UIMC1: variants seen among roughly 807,000 people sequenced by gnomAD.
UIMC1 encodes the protein BRCA1-A complex subunit RAP80.
A neutral mutation model predicts 84.9 loss-of-function variants in UIMC1; 42 were observed. That is an observed-to-expected ratio of 0.49 (90% CI 0.39 to 0.64). UIMC1 has a LOEUF of 0.64. Ranked by LOEUF, UIMC1 falls within the 30% of genes least tolerant of loss-of-function variation. The probability of loss-of-function intolerance (pLI) is 0.00; values close to 1 mark genes in which losing one functional copy is unlikely to be tolerated. For synonymous variants in UIMC1, 281 were observed against 293.0 expected (o/e 0.96, Z 0.42); for missense variants, 825 against 847.6 (o/e 0.97, Z 0.33).
chr5:176,992,985 A>C (rs913554915), intron 1 of UIMC1, among the ~76,000 whole-genome samples: 2 of 151,890 alleles, frequency 1.3e-5, no homozygotes, highest in Non-Finnish European at 2.9e-5. Context: ...CAGGAGTTGG[A>C]GACCAGCATG....
At chr5:176,987,462 A>G (rs990026493) in intron 1 of UIMC1, among the ~76,000 whole-genome samples, 1 of 151,814 alleles carries the variant, frequency 6.6e-6, no homozygotes, top group Non-Finnish European at 1.5e-5. Context: ...CCTGGCCAAC[A>G]TGGTGAAACC....
intron 8 of UIMC1, among the ~76,000 whole-genome samples, chr5:176,954,726 A>G (rs1347228935): frequency 2.0e-5 from 3 of 150,760 alleles, no homozygotes; most frequent in African/African-American, 2.4e-5. Context: ...ACTGCACTCC[A>G]GCCTGGGCAA....
intron 2 of UIMC1, among the ~76,000 whole-genome samples, chr5:176,979,758 G>A (rs1235835395): frequency 2.6e-5 from 4 of 152,106 alleles, no homozygotes; most frequent in East Asian, 3.8e-4. Context: ...CATATATGAC[G>A]TATGACATAT....
At chr5:176,949,867 C>T (rs963738218) in intron 9 of UIMC1, among the ~76,000 whole-genome samples, 3 of 152,034 alleles carry the variant, frequency 2.0e-5, no homozygotes, top group African/African-American at 7.2e-5. Context: ...CCAGCCTGGC[C>T]ATCAGGGTAA....
intron 1 of UIMC1, among the ~76,000 whole-genome samples, chr5:176,989,546 G>A (rs1433741096): frequency 6.6e-6 from 1 of 151,922 alleles, no homozygotes; most frequent in Non-Finnish European, 1.5e-5. Context: ...TGCAGACCCA[G>A]CTACTGGAGA....
At chr5:177,016,663 T>C (rs1158027897) in intron 1 of UIMC1, among the ~76,000 whole-genome samples, 1 of 150,012 alleles carries the variant, frequency 6.7e-6, no homozygotes, top group East Asian at 2.0e-4. Context: ...GCCGAGATCT[T>C]ACCACTGCAC....
At chr5:176,971,726 T>C (rs986268849) in intron 3 of UIMC1, among the ~76,000 whole-genome samples, 2 of 151,714 alleles carry the variant, frequency 1.3e-5, no homozygotes, top group Non-Finnish European at 2.9e-5. Flanking sequence ...ACGGACAACA[T>C]GGTGAAACCC....
chr5:176,982,140 A>T (rs1771153760), intron 2 of UIMC1, among the ~76,000 whole-genome samples: 1 of 152,224 alleles, frequency 6.6e-6, no homozygotes. Flanking sequence ...AAGAGACTTA[A>T]GAACATTCAC....
intron 1 of UIMC1, among the ~76,000 whole-genome samples, chr5:177,020,356 CCT>C (rs1775761439): frequency 6.6e-6 from 1 of 152,206 alleles, no homozygotes; most frequent in South Asian, 2.1e-4. Context: ...CTGATGCCAC[CCT>C]GATTAATGTT....
rs368946294 is a variant in UIMC1 at position 176,970,772 on chromosome 5, G to C, written c.327C>G (p.Leu109=). ...VNSQEEEEEE[L]LRKAIAESLN... Reference sequence around the variant, plus strand: ...GGCTTTCAGCAATGGCTTTCCTCAAGAGCTCCTCTTCTTCCTCCTCCTGGC... The same window carrying C: ...GGCTTTCAGCAATGGCTTTCCTCAACAGCTCCTCTTCTTCCTCCTCCTGGC... The change falls in exon 4 of 15, where the codon CTC becomes CTG. Residue 109 remains leucine (L), a synonymous_variant. Coordinates refer to ENST00000511320, the MANE Select transcript of UIMC1 (RefSeq NM_001199298.2). 1 of 1,614,062 alleles carries C rather than the reference G, an allele frequency of 6.2e-7. No homozygotes were observed. The highest frequency in any genetic ancestry group is 1.3e-5 in the African/African-American group (1 of 75,038).
intron 2 of UIMC1, among the ~76,000 whole-genome samples, chr5:176,977,761 T>C (rs1457862735): frequency 6.6e-6 from 1 of 151,122 alleles, no homozygotes; most frequent in Non-Finnish European, 1.5e-5. Context: ...AATACAAAAA[T>C]TGCGCAGGTG....
chr5:177,020,752 C>T (rs1775775614), intron 1 of UIMC1, among the ~76,000 whole-genome samples: 1 of 152,156 alleles, frequency 6.6e-6, no homozygotes. Flanking sequence ...TCTTATTGTA[C>T]TCTCCTCCAC....
At chr5:176,944,894 G>T (rs1438441920) in intron 9 of UIMC1, among the ~76,000 whole-genome samples, 1 of 152,156 alleles carries the variant, frequency 6.6e-6, no homozygotes, top group Non-Finnish European at 1.5e-5. Context: ...CACTATGCAG[G>T]CTCCACCAGT....
At chr5:176,986,070 A>ACT (rs1771936257) in intron 1 of UIMC1, among the ~76,000 whole-genome samples, 1 of 145,498 alleles carries the variant, frequency 6.9e-6, no homozygotes, top group Non-Finnish European at 1.5e-5. Context: ...TATGCAACGT[A>ACT]TTTTTTTTTT....
chr5:176,967,478 T>C (rs1029843183), intron 6 of UIMC1, among the ~76,000 whole-genome samples: 3 of 152,232 alleles, frequency 2.0e-5, no homozygotes, highest in Admixed American at 6.5e-5. Flanking sequence ...TAACACAAAT[T>C]TGAGTCCAGA....
intron 2 of UIMC1, among the ~76,000 whole-genome samples, chr5:176,978,334 C>CCGCA (rs542998291): frequency 5.3e-5 from 8 of 151,452 alleles, no homozygotes; most frequent in Admixed American, 3.9e-4. Context: ...GATGGCGCCA[C>CCGCA]CGCACTCCAG....
At chr5:176,945,796 C>A (rs187396351) in intron 9 of UIMC1, among the ~76,000 whole-genome samples, 127 of 152,284 alleles carry the variant, frequency 8.3e-4, no homozygotes, top group Non-Finnish European at 1.6e-3. Context: ...AGCTTCACGT[C>A]CTGTTTCCAT....
chr5:176,999,007 C>T (rs553146519), intron 1 of UIMC1, among the ~76,000 whole-genome samples: 2 of 151,974 alleles, frequency 1.3e-5, no homozygotes, highest in South Asian at 4.1e-4. Context: ...CTGGGCAACA[C>T]AGCAAGACCC....
intron 1 of UIMC1, among the ~76,000 whole-genome samples, chr5:177,005,727 TAA>T (rs1423710429): frequency 2.0e-5 from 3 of 151,814 alleles, no homozygotes; most frequent in Non-Finnish European, 4.4e-5. Context: ...AGGAAAACAA[TAA>T]AGACAGAAGC....
Sources: allele counts gnomAD v4.1 joint callset (sites outside exome capture counted in the v4.1 genomes callset), GRCh38; gene constraint gnomAD v4.1.1; transcripts MANE v1.5; gene names NCBI Gene and HGNC (gene_info 2026-07-23, HGNC 2026-07-21).